PARD3: variants seen among roughly 807,000 people sequenced by gnomAD.
PARD3 encodes the protein partitioning defective 3 homolog.
In PARD3, 75 loss-of-function variants were observed where a neutral mutation model predicts 155.4. That is an observed-to-expected ratio of 0.48 (90% confidence interval 0.40 to 0.58). PARD3 has a LOEUF of 0.58. Among genes scored for constraint, PARD3 ranks in the 20% least tolerant of loss-of-function variants. The pLI is 0.00. For synonymous variants in PARD3, 576 were observed against 610.5 expected (o/e 0.94, Z 0.83); for missense variants, 1,642 against 1,721.7 (o/e 0.95, Z 0.82).
intron 1 of PARD3, among the ~76,000 whole-genome samples, chr10:34,807,270 A>T (rs952565226): frequency 6.6e-6 from 1 of 152,254 alleles, no homozygotes; most frequent in Non-Finnish European, 1.5e-5. Flanking sequence ...TGTTTTGAGC[A>T]TCTCTGATAC....
At position 34,227,973 on chromosome 10, in the gene PARD3, C is replaced by A. The variant is rs537022898; in HGVS notation, c.3419+41684G>T. ...AAGACACATGCACGCCTATGTTTATCATAGCACTATTTACAATAGCAAAGA... is the reference window on the plus strand; with the variant it reads ...AAGACACATGCACGCCTATGTTTATAATAGCACTATTTACAATAGCAAAGA... On this transcript the variant is annotated intron_variant, in intron 22 of 24. Coordinates refer to ENST00000374788, the MANE Select transcript of PARD3 (RefSeq NM_001184785.2). 1.9e-3 allele frequency among the ~76,000 whole-genome samples: 279 copies of A among 149,664 alleles called. 4 individuals are homozygous for A. Among genetic ancestry groups the A allele is most frequent in the African/African-American group, 6.7e-3 (270 of 40,568 alleles).
At chr10:34,502,498 T>C (rs2080783507) in intron 3 of PARD3, among the ~76,000 whole-genome samples, 1 of 152,170 alleles carries the variant, frequency 6.6e-6, no homozygotes, top group Admixed American at 6.5e-5. Flanking sequence ...TGCAGGACTG[T>C]AATAAACTCT....
At chr10:34,180,435 C>A (rs973687366) in intron 22 of PARD3, among the ~76,000 whole-genome samples, 2 of 152,058 alleles carry the variant, frequency 1.3e-5, no homozygotes, top group African/African-American at 4.8e-5. Flanking sequence ...ATAATGGAGG[C>A]GGAGAGATGA....
At chr10:34,688,993 A>AG (rs1336952024) in intron 2 of PARD3, among the ~76,000 whole-genome samples, 1 of 152,214 alleles carries the variant, frequency 6.6e-6, no homozygotes, top group Non-Finnish European at 1.5e-5. Flanking sequence ...TAGCAGCAGG[A>AG]GGGGGACTGT....
At chr10:34,328,907 A>G (rs192318559) in intron 19 of PARD3, among the ~76,000 whole-genome samples, 5 of 152,310 alleles carry the variant, frequency 3.3e-5, no homozygotes, top group African/African-American at 1.2e-4. Context: ...AAAATAATAA[A>G]AACAGGACTT....
At chr10:34,341,883 T>A (rs951994209) in intron 15 of PARD3, 67 bp from the exon 16 acceptor site, 2 of 963,362 alleles carry the variant, frequency 2.1e-6, no homozygotes, top group Admixed American at 4.8e-5. Context: ...CTATTAATTT[T>A]AATACTTTGC....
intron 20 of PARD3, among the ~76,000 whole-genome samples, chr10:34,286,787 G>A (rs1317066525): frequency 2.0e-5 from 3 of 152,222 alleles, no homozygotes; most frequent in Non-Finnish European, 4.4e-5. Flanking sequence ...GGATGCATGT[G>A]AAGAACTGCA....
chr10:34,114,749 C>T (rs955341311), intron 24 of PARD3, among the ~76,000 whole-genome samples: 14 of 152,318 alleles, frequency 9.2e-5, no homozygotes, highest in Middle Eastern at 3.4e-3. Context: ...CCTTACTAAG[C>T]GAGGGCAACT....
chr10:34,538,279 C>G (rs150425604), intron 2 of PARD3, among the ~76,000 whole-genome samples: 1 of 152,184 alleles, frequency 6.6e-6, no homozygotes, highest in African/African-American at 2.4e-5. Context: ...TTAAAAACAA[C>G]AGGAACATCA....
intron 22 of PARD3, among the ~76,000 whole-genome samples, chr10:34,240,352 T>C (rs1275114696): frequency 6.6e-6 from 1 of 152,242 alleles, no homozygotes; most frequent in East Asian, 1.9e-4. Context: ...TGTCTAAGCA[T>C]ATACTCTAAA....
intron 20 of PARD3, among the ~76,000 whole-genome samples, chr10:34,297,382 G>A (rs1956956785): frequency 6.6e-6 from 1 of 152,102 alleles, no homozygotes; most frequent in Non-Finnish European, 1.5e-5. Flanking sequence ...GTGATAACTG[G>A]CACTATTAAA....
At position 34,362,065 on chromosome 10, in the gene PARD3, C is replaced by T. The variant is rs544602491; in HGVS notation, c.1708-1806G>A. ...GGCCGACGCAGGTGGATCACGAGGTCGAAGCAGGTGGATCACGAGGTCAGG... is the reference window on the plus strand; with the variant it reads ...GGCCGACGCAGGTGGATCACGAGGTTGAAGCAGGTGGATCACGAGGTCAGG... On this transcript the variant is annotated intron_variant, in intron 12 of 24. Coordinates refer to ENST00000374788, the MANE Select transcript of PARD3 (RefSeq NM_001184785.2). Among the ~76,000 whole-genome samples the T allele has an allele frequency of 3.3e-5, 5 of 152,056 alleles. No homozygotes were observed. In the East Asian group the frequency reaches 7.7e-4, roughly 24 times the overall value.
chr10:34,514,950 G>A (rs1037130521), intron 3 of PARD3, among the ~76,000 whole-genome samples: 9 of 152,046 alleles, frequency 5.9e-5, no homozygotes, highest in East Asian at 1.9e-4. Flanking sequence ...ACACTACAAC[G>A]GTAACACAAC....
chr10:34,540,530 G>A (rs977845502), intron 2 of PARD3, among the ~76,000 whole-genome samples: 14 of 152,190 alleles, frequency 9.2e-5, no homozygotes, highest in Non-Finnish European at 1.3e-4. Context: ...TGAGCTGCCC[G>A]CTCAGCAGAT....
In PARD3 at chr10:34,498,948, T is replaced by C. The variant is rs555386787; in HGVS notation, c.403+18031A>G. The stretch of plus-strand genomic sequence containing the variant: ...TTAGACACTTAGAATAGCACTGAAG[T>C]AATAGCCCTGACTCTTGCATAAGAA... On this transcript the variant is annotated intron_variant, in intron 3 of 24. Coordinates refer to ENST00000374788, the MANE Select transcript of PARD3 (RefSeq NM_001184785.2). Among the ~76,000 whole-genome samples, 3 of 152,306 alleles carry C rather than the reference T, an allele frequency of 2.0e-5. No individual in the cohort carries two copies. In the South Asian group the frequency reaches 6.2e-4, roughly 32 times the overall value.
intron 22 of PARD3, among the ~76,000 whole-genome samples, chr10:34,225,887 T>A (rs1415899676): frequency 6.6e-6 from 1 of 152,130 alleles, no homozygotes; most frequent in African/African-American, 2.4e-5. Flanking sequence ...GTTGAAAAAT[T>A]GGATTCATCG....
At chr10:34,747,053 C>T (rs1213527004) in intron 1 of PARD3, among the ~76,000 whole-genome samples, 4 of 152,170 alleles carry the variant, frequency 2.6e-5, no homozygotes, top group Admixed American at 2.6e-4. Flanking sequence ...CCCTGCTTAT[C>T]ATGGAAACCA....
chr10:34,768,114 C>T (rs796502727), intron 1 of PARD3, among the ~76,000 whole-genome samples: 7 of 152,144 alleles, frequency 4.6e-5, no homozygotes, highest in Non-Finnish European at 5.9e-5. Flanking sequence ...GGATATTCTA[C>T]TGTCCAAGTT....
Position 34,701,623 on chromosome 10 carries a change from G to A in PARD3, c.121-5204C>T, listed in dbSNP as rs138842888. Among the ~76,000 whole-genome samples the A allele has an allele frequency of 4.1e-3, 619 of 152,194 alleles. 3 individuals are homozygous for A. The highest frequency in any genetic ancestry group is 0.02 in the Middle Eastern group (6 of 294). On this transcript the variant is annotated intron_variant, in intron 1 of 24. Transcript: ENST00000374788. ...ACAAGGATGGGAAGGGGCCAGGCAC[G>A]GTAGTTTATGCCTATACTCCCAGTG... is the stretch of plus-strand genomic sequence containing the variant.
Sources: allele counts gnomAD v4.1 joint callset (sites outside exome capture counted in the v4.1 genomes callset), GRCh38; gene constraint gnomAD v4.1.1; transcripts MANE v1.5; gene names NCBI Gene and HGNC (gene_info 2026-07-23, HGNC 2026-07-21).